TRPM7: variants seen among roughly 807,000 people sequenced by gnomAD.
The protein encoded by TRPM7 is LTRPC ion channel family member 7.
TRPM7 carries 134 observed loss-of-function variants against 229.7 expected under a neutral mutation model. That is an observed-to-expected ratio of 0.58 (90% CI 0.51 to 0.67). TRPM7 has a LOEUF of 0.67. TRPM7 is among the 30% of genes least tolerant of loss of function. The pLI is 0.00. For missense variants in TRPM7, 1,901 were observed against 2,210.0 expected, an observed-to-expected ratio of 0.86 and a Z score of 2.80; for synonymous variants, 699 against 715.2, an observed-to-expected ratio of 0.98 and a Z score of 0.36.
At chr15:50,664,000 A>G (rs952717721) in intron 1 of TRPM7, among the ~76,000 whole-genome samples, 2 of 151,900 alleles carry the variant, frequency 1.3e-5, no homozygotes, top group Non-Finnish European at 2.9e-5. Context: ...AAAAAAGACA[A>G]TTAGAATTGA....
At chr15:50,654,156 T>C (rs1033080330) in intron 3 of TRPM7, among the ~76,000 whole-genome samples, 1 of 152,060 alleles carries the variant, frequency 6.6e-6, no homozygotes, top group Non-Finnish European at 1.5e-5. Context: ...CAATATATGA[T>C]AAAAAATTAT....
At position 50,561,772 on chromosome 15, in the gene TRPM7, A is replaced by G. The variant is rs2053321130; in HGVS notation, c.5504T>C (p.Ile1835Thr). 74 of 1,612,848 alleles carry G rather than the reference A, an allele frequency of 4.6e-5. No individual in the cohort carries two copies. The highest frequency in any genetic ancestry group is 6.2e-5 in the Non-Finnish European group (73 of 1,179,528). Residue 1835 changes from isoleucine (I) to threonine (T), a missense_variant, in exon 39 of 39, where the codon ATA becomes ACA. By Grantham distance (89) the Ile-to-Thr change is moderately conservative. Coordinates refer to ENST00000646667, the MANE Select transcript of TRPM7 (RefSeq NM_017672.6). The part of the protein sequence containing the change: ...KRNDYTPDKI[I>T]FPQDEPSDLN... ...ATCTGAAGGCTCATCCTGAGGAAATATAATTTTATCAGGCGTATAATCATT... is the reference window on the plus strand; with the variant it reads ...ATCTGAAGGCTCATCCTGAGGAAATGTAATTTTATCAGGCGTATAATCATT...
intron 13 of TRPM7, among the ~76,000 whole-genome samples, chr15:50,617,122 T>A (rs1037680316): frequency 6.8e-6 from 1 of 146,846 alleles, no homozygotes; most frequent in African/African-American, 2.5e-5. Flanking sequence ...AAACCCCATC[T>A]CTACCAAAAA....
chr15:50,615,349 A>G (rs541609823), intron 13 of TRPM7, among the ~76,000 whole-genome samples: 12 of 152,200 alleles, frequency 7.9e-5, no homozygotes, highest in South Asian at 6.2e-4. Flanking sequence ...TGGTAATATT[A>G]TAGGTTTTTA....
intron 1 of TRPM7, among the ~76,000 whole-genome samples, chr15:50,666,457 A>AAAGAAGAGGAGGAAGAGG (rs1289363589): frequency 6.6e-6 from 1 of 151,622 alleles, no homozygotes; most frequent in Non-Finnish European, 1.5e-5. Context: ...TAGAAGGGAG[A>AAAGAAGAGGAGGAAGAGG]AAGAAGAGGA....
intron 27 of TRPM7, 44 bp from the exon 28 acceptor site, chr15:50,586,532 A>G: frequency 2.3e-6 from 3 of 1,325,780 alleles, no homozygotes; most frequent in Non-Finnish European, 2.1e-6. Context: ...TAATTGAACT[A>G]AATTTCAACC....
At chr15:50,564,692 T>A (rs977300624) in intron 38 of TRPM7, among the ~76,000 whole-genome samples, 4 of 152,158 alleles carry the variant, frequency 2.6e-5, no homozygotes, top group African/African-American at 4.8e-5. Context: ...ATTTATTTTT[T>A]AAAAAATAAA....
intron 38 of TRPM7, among the ~76,000 whole-genome samples, chr15:50,568,625 TCTTGAGTCTAAGCTCTTAA>T (rs745593051): frequency 1.3e-5 from 2 of 152,152 alleles, no homozygotes; most frequent in Non-Finnish European, 2.9e-5. Flanking sequence ...GCATCCTGGC[TCTTGAGTCTAAGCTCTTAA>T]CTATTACAAT....
chr15:50,580,738 GAA>G (rs1596087724), intron 30 of TRPM7, 134 bp downstream of exon 30: 1 of 679,062 alleles, frequency 1.5e-6, no homozygotes, highest in East Asian at 2.8e-5. Context: ...TCATCTATGT[GAA>G]GAGAGGAGAT....
At chr15:50,599,469 T>A (rs2059718750) in intron 21 of TRPM7, 173 bp from the exon 22 acceptor site, 1 of 479,938 alleles carries the variant, frequency 2.1e-6, no homozygotes. Flanking sequence ...ACTATATAAA[T>A]CTTAACATCT....
intron 29 of TRPM7, among the ~76,000 whole-genome samples, chr15:50,581,658 T>G (rs1245432363): frequency 6.6e-6 from 1 of 152,068 alleles, no homozygotes; most frequent in Non-Finnish European, 1.5e-5. Flanking sequence ...TGGTTTTTAT[T>G]CTGCAGTTGT....
rs370190327 is a variant in TRPM7, at chr15:50,583,090, G to A, written c.4556C>T (p.Pro1519Leu). ...HEVDSKAALI[P>L]DWLQDRPSNR... is the part of the protein sequence containing the mutation. The stretch of plus-strand genomic sequence containing the variant: ...TCTGTTTAGTTGAAATCTACAAACC[G>A]GTATTAAAGCTGCTTTGGAATCTAC... The change falls in exon 29 of 39, where the codon CCG (proline) becomes CTG (leucine). Residue 1519 changes from proline (P) to leucine (L), a missense_variant and splice_region_variant. Physicochemically the swap from Pro to Leu is moderately conservative, Grantham distance 98 (BLOSUM62 -3). Around this residue, in one of 8 missense-constraint regions of TRPM7, gnomAD observed 533 missense variants for 497.1 expected, o/e 1.07. Transcript: ENST00000646667. 1.1e-5 allele frequency: 18 copies of A among 1,590,780 alleles called. No homozygotes were observed. Among genetic ancestry groups the A allele is most frequent in the African/African-American group, 5.4e-5 (4 of 73,644 alleles).
At chr15:50,670,814 A>G (rs2061971080) in intron 1 of TRPM7, among the ~76,000 whole-genome samples, 1 of 151,642 alleles carries the variant, frequency 6.6e-6, no homozygotes, top group Non-Finnish European at 1.5e-5. Context: ...GAAAAAGAAA[A>G]AAAAAAAAAA....
intron 10 of TRPM7, among the ~76,000 whole-genome samples, chr15:50,631,210 A>G (rs547167013): frequency 2.8e-4 from 43 of 152,320 alleles, no homozygotes; most frequent in African/African-American, 1.0e-3. Flanking sequence ...TTTAAATTCT[A>G]CAAGATTAAA....
rs1478776535 is a variant in TRPM7, at chr15:50,663,025, T to C, written c.25A>G (p.Ser9Gly). ...ACACATTCCCTCTTGGTCAAAGTGCTTTCTATCCAGGATTTCTGGGACTAA... is the reference window on the plus strand; with the variant it reads ...ACACATTCCCTCTTGGTCAAAGTGCCTTCTATCCAGGATTTCTGGGACTAA... MSQKSWIE[S>G]TLTKRECVYI... Residue 9 changes from serine (S) to glycine (G), a missense_variant, in exon 2 of 39, where the codon AGC becomes GGC. Ser to Gly is a moderately conservative substitution (Grantham distance 56). Coordinates refer to ENST00000646667, the MANE Select transcript of TRPM7 (RefSeq NM_017672.6). 6.2e-7 allele frequency: 1 copy of C among 1,613,744 alleles called. No individual in the cohort carries two copies. The highest frequency in any genetic ancestry group is 1.7e-5 in the Admixed American group (1 of 59,978).
chr15:50,581,296 C>T (rs1184524910), intron 29 of TRPM7, among the ~76,000 whole-genome samples: 1 of 151,840 alleles, frequency 6.6e-6, no homozygotes, highest in Non-Finnish European at 1.5e-5. Context: ...GTCAGGAGTT[C>T]GAGACCAGCC....
chr15:50,576,026 G>T, intron 31 of TRPM7, 107 bp from the exon 32 acceptor site: 1 of 1,177,424 alleles, frequency 8.5e-7, no homozygotes, highest in Non-Finnish European at 1.2e-6. Flanking sequence ...TAGTGTAACT[G>T]TTCCTCACAA....
intron 29 of TRPM7, 90 bp downstream of exon 29, chr15:50,582,999 A>G (rs2054496428): frequency 3.1e-6 from 3 of 962,868 alleles, no homozygotes; most frequent in Admixed American, 3.0e-5. Flanking sequence ...AATTTTTGAT[A>G]TAGTCCCAAA....
intron 12 of TRPM7, among the ~76,000 whole-genome samples, chr15:50,622,277 G>T (rs1348758801): frequency 6.6e-6 from 1 of 151,986 alleles, no homozygotes; most frequent in East Asian, 1.9e-4. Context: ...TAATGTAAAG[G>T]AACCCTGAAA....
Sources: allele counts gnomAD v4.1 joint callset (sites outside exome capture counted in the v4.1 genomes callset), GRCh38; gene constraint gnomAD v4.1.1; regional missense constraint gnomAD v4.1.1; transcripts MANE v1.5; gene names NCBI Gene and HGNC (gene_info 2026-07-23, HGNC 2026-07-21).